MEI4: variants seen among roughly 807,000 people sequenced by gnomAD.
MEI4 encodes meiotic double-stranded break formation protein 4, also known as meiosis-specific protein MEI4.
Under a neutral mutation model 31.4 loss-of-function variants are expected in MEI4, and 27 were observed. That is an observed-to-expected ratio of 0.86 (90% CI 0.63 to 1.19). The LOEUF is 1.19. MEI4 is among the 50% of genes most tolerant of loss of function. The pLI, the probability that MEI4 is intolerant of heterozygous loss-of-function variation, is 0.00. For missense variants in MEI4, 329 were observed against 398.9 expected (o/e 0.82, Z 1.49); for synonymous variants, 122 against 145.4 (o/e 0.84, Z 1.16).
rs757284795 is a variant in MEI4, at chr6:77,661,217, C to G, written c.-15+8125C>G. Among the ~76,000 whole-genome samples the G allele has an allele frequency of 8.0e-4, 122 of 152,040 alleles. 1 individual carries two copies. Among genetic ancestry groups the G allele is most frequent in the Admixed American group, 2.1e-3 (32 of 15,274 alleles). ...GTGTGCCTTTAAAAGACCATTAGTC[C>G]GTTCTACCTTTCTTGAAGATTGAGG... On this transcript the variant is annotated intron_variant, in intron 1 of 4. Coordinates refer to ENST00000684080, the MANE Select transcript of MEI4 (RefSeq NM_001322247.2).
Position 77,919,322 on chromosome 6 carries a change from C to T in MEI4, c.901-3767C>T, listed in dbSNP as rs568862846. Among the ~76,000 whole-genome samples, 6 of 152,162 alleles carry T rather than the reference C, an allele frequency of 3.9e-5. No homozygotes were observed. In the East Asian group the frequency reaches 1.2e-3, roughly 29 times the overall value. Reference sequence around the variant, plus strand: ...TCTCTCAGACCACAATGCAATCAAACTAGAACTCAGGATTAAGAATCTCAC... The same window carrying T: ...TCTCTCAGACCACAATGCAATCAAATTAGAACTCAGGATTAAGAATCTCAC... On this transcript the variant is annotated intron_variant, in intron 4 of 4. Coordinates refer to ENST00000684080, the MANE Select transcript of MEI4 (RefSeq NM_001322247.2).
At chr6:77,864,314 G>C (rs1770956773) in intron 4 of MEI4, among the ~76,000 whole-genome samples, 1 of 152,164 alleles carries the variant, frequency 6.6e-6, no homozygotes, top group South Asian at 2.1e-4. Context: ...AGACCCATCA[G>C]TGTGCTGTAT....
chr6:77,789,362 A>G (rs1444790883), intron 3 of MEI4, among the ~76,000 whole-genome samples: 3 of 152,228 alleles, frequency 2.0e-5, no homozygotes, highest in Non-Finnish European at 2.9e-5. Context: ...CTTCATGTCT[A>G]TAACACCAAA....
intron 4 of MEI4, among the ~76,000 whole-genome samples, chr6:77,883,305 G>A (rs1423113227): frequency 6.6e-6 from 1 of 151,888 alleles, no homozygotes; most frequent in Non-Finnish European, 1.5e-5. Flanking sequence ...TTTGTGTGGG[G>A]AACATTTCTC....
At chr6:77,702,909 C>A (rs1356817660) in intron 2 of MEI4, among the ~76,000 whole-genome samples, 7 of 152,134 alleles carry the variant, frequency 4.6e-5, no homozygotes, top group African/African-American at 1.7e-4. Context: ...TGGCTGTGTA[C>A]TATTCTTTCT....
rs559830368 is a variant in MEI4, at chr6:77,840,451, T to G, written c.900+11389T>G. Reference sequence around the variant, plus strand: ...ACAAAAGTATATTTGAAAATAATGGTCAAAGGCTTTACAAATTTGGAGAAA... The same window carrying G: ...ACAAAAGTATATTTGAAAATAATGGGCAAAGGCTTTACAAATTTGGAGAAA... On this transcript the variant is annotated intron_variant, in intron 4 of 4. Transcript: ENST00000684080. Among the ~76,000 whole-genome samples, 6 of 152,188 alleles carry G rather than the reference T, an allele frequency of 3.9e-5. No individual in the cohort carries two copies. In the East Asian group the frequency reaches 1.2e-3, roughly 29 times the overall value.
At chr6:77,698,310 A>T (rs1485724393) in intron 2 of MEI4, among the ~76,000 whole-genome samples, 1 of 152,142 alleles carries the variant, frequency 6.6e-6, no homozygotes, top group African/African-American at 2.4e-5. Context: ...TCCTGTCAGT[A>T]TGATGTTCTC....
At chr6:77,899,347 AT>A (rs377153376) in intron 4 of MEI4, among the ~76,000 whole-genome samples, 1 of 152,006 alleles carries the variant, frequency 6.6e-6, no homozygotes, top group African/African-American at 2.4e-5. Context: ...CTATCTGGTG[AT>A]TTTTTTACCA....
At chr6:77,731,808 A>T (rs62419087) in intron 2 of MEI4, among the ~76,000 whole-genome samples, 45 of 151,940 alleles carry the variant, frequency 3.0e-4, no homozygotes, top group Non-Finnish European at 4.7e-4. Flanking sequence ...TTTTTGTATA[A>T]GGTGTAAGGA....
chr6:77,685,300 G>T (rs1480466478), intron 1 of MEI4, among the ~76,000 whole-genome samples: 2 of 146,734 alleles, frequency 1.4e-5, no homozygotes, highest in Non-Finnish European at 1.5e-5. Flanking sequence ...CATTCTCTGG[G>T]TTGTCCCTTC....
intron 4 of MEI4, among the ~76,000 whole-genome samples, chr6:77,843,227 A>G (rs1770406254): frequency 6.6e-6 from 1 of 151,966 alleles, no homozygotes; most frequent in Non-Finnish European, 1.5e-5. Flanking sequence ...CTTACTTGAG[A>G]GAAGCAGCTC....
chr6:77,822,376 G>A (rs909213437), intron 3 of MEI4, among the ~76,000 whole-genome samples: 2 of 152,074 alleles, frequency 1.3e-5, no homozygotes, highest in Admixed American at 6.5e-5. Context: ...TAGAAAATAA[G>A]TCCTGAGGTT....
chr6:77,924,178 G>A lies in MEI4; in HGVS notation c.*832G>A, dbSNP rs113057778. ...CATTTCAATGATTAAAATCATAACCGCAAACTTAATGAGCATATGTTACAT... is the reference window on the plus strand; with the variant it reads ...CATTTCAATGATTAAAATCATAACCACAAACTTAATGAGCATATGTTACAT... On this transcript the variant is annotated 3_prime_UTR_variant, in exon 5 of 5. Transcript: ENST00000684080. The A allele has an allele frequency of 1.0e-3, 159 of 151,718 alleles. No individual in the cohort carries two copies. Among genetic ancestry groups the A allele is most frequent in the African/African-American group, 3.2e-3 (134 of 41,472 alleles). The allele number at this position is 151,718 out of a possible 1,614,324, so 9.4% of individuals were successfully genotyped here.
At chr6:77,826,528 T>G (rs542717151) in intron 3 of MEI4, among the ~76,000 whole-genome samples, 1 of 152,358 alleles carries the variant, frequency 6.6e-6, no homozygotes, top group African/African-American at 2.4e-5. Context: ...TACAGCCTTA[T>G]GATTACTTGA....
chr6:77,840,931 A>G (rs965186961), intron 4 of MEI4, among the ~76,000 whole-genome samples: 10 of 152,298 alleles, frequency 6.6e-5, no homozygotes, highest in Non-Finnish European at 5.9e-5. Context: ...AATATCCTTC[A>G]GAATAATAAA....
chr6:77,850,883 C>G (rs1196737286), intron 4 of MEI4, among the ~76,000 whole-genome samples: 1 of 151,992 alleles, frequency 6.6e-6, no homozygotes, highest in Non-Finnish European at 1.5e-5. Flanking sequence ...CTGCAGTCTA[C>G]TCATCCGACA....
chr6:77,780,751 G>A (rs1050865823), intron 3 of MEI4, among the ~76,000 whole-genome samples: 3 of 152,218 alleles, frequency 2.0e-5, no homozygotes, highest in South Asian at 2.1e-4. Flanking sequence ...ATTGAATTAA[G>A]TAATTCGAAT....
chr6:77,849,028 CAT>C (rs1163212144), intron 4 of MEI4, among the ~76,000 whole-genome samples: 1 of 151,626 alleles, frequency 6.6e-6, no homozygotes, highest in Non-Finnish European at 1.5e-5. Flanking sequence ...AATGAACACA[CAT>C]ATAATATAAT....
At position 77,923,478 on chromosome 6, in the gene MEI4, C is replaced by CAACTT. The variant is rs1438720941; in HGVS notation, c.*135_*139dup. On this transcript the variant is annotated 3_prime_UTR_variant, in exon 5 of 5. Coordinates refer to ENST00000684080, the MANE Select transcript of MEI4 (RefSeq NM_001322247.2). The stretch of plus-strand genomic sequence containing the variant: ...TGATCTCTAAATATAATTATCAATT[C>CAACTT]AACTTAATGGTTAGTCTTAAATTGT... The CAACTT allele has an allele frequency of 2.3e-5, 17 of 740,634 alleles. No homozygotes were observed. Among genetic ancestry groups the CAACTT allele is most frequent in the South Asian group, 7.2e-5 (1 of 13,866 alleles). The allele number at this position is 740,634 out of a possible 1,614,324, so 45.9% of individuals were successfully genotyped here.
Sources: gnomAD v4.1 joint callset for allele counts (sites outside exome capture counted in the v4.1 genomes callset) on GRCh38, gnomAD v4.1.1 for gene constraint, MANE v1.5 for transcripts, NCBI Gene and HGNC (gene_info 2026-07-23, HGNC 2026-07-21) for gene names.